The following CORO2A variants were observed in gnomAD, a reference collection of about 807,000 sequenced individuals.
CORO2A encodes the protein coronin 2A.
Under a neutral mutation model 62.4 loss-of-function variants are expected in CORO2A, and 47 were observed. That is an observed-to-expected ratio of 0.75 (90% CI 0.60 to 0.96). The LOEUF is 0.96. CORO2A is among the 40% of genes least tolerant of loss of function. CORO2A has a pLI of 0.00. For missense variants in CORO2A, 610 were observed against 684.1 expected (o/e 0.89, Z 1.21); for synonymous variants, 273 against 268.9 (o/e 1.02, Z -0.15).
intron 1 of CORO2A, among the ~76,000 whole-genome samples, chr9:98,189,282 G>C (rs1276942290): frequency 6.6e-6 from 1 of 152,308 alleles, no homozygotes; most frequent in East Asian, 1.9e-4. Flanking sequence ...TAGACCAGGT[G>C]TGATTGCAAA....
chr9:98,184,769 T>C (rs1437370273), intron 1 of CORO2A, among the ~76,000 whole-genome samples: 1 of 152,072 alleles, frequency 6.6e-6, no homozygotes, highest in African/African-American at 2.4e-5. Context: ...GGGTGTGTGG[T>C]TAATGGCGGC....
chr9:98,174,161 G>A (rs537843130), intron 1 of CORO2A, among the ~76,000 whole-genome samples: 2 of 144,446 alleles, frequency 1.4e-5, no homozygotes, highest in South Asian at 4.3e-4. Flanking sequence ...ACCAAAGAGC[G>A]TGTAGCCCTG....
At chr9:98,148,315 A>G (rs1372800883) in intron 2 of CORO2A, among the ~76,000 whole-genome samples, 1 of 151,278 alleles carries the variant, frequency 6.6e-6, no homozygotes, top group East Asian at 1.9e-4. Context: ...GAGTTGCTTG[A>G]ACCCAGGAGG....
At chr9:98,165,242 A>T (rs1225916098) in intron 1 of CORO2A, among the ~76,000 whole-genome samples, 1 of 152,166 alleles carries the variant, frequency 6.6e-6, no homozygotes, top group Admixed American at 6.5e-5. Flanking sequence ...GACAGGCGTG[A>T]GCCACCGTGC....
At chr9:98,173,246 G>C (rs1211858749) in intron 1 of CORO2A, among the ~76,000 whole-genome samples, 2 of 152,202 alleles carry the variant, frequency 1.3e-5, no homozygotes, top group Non-Finnish European at 2.9e-5. Flanking sequence ...CAAGTTCCCG[G>C]TGACTAGGAA....
intron 1 of CORO2A, among the ~76,000 whole-genome samples, chr9:98,189,171 C>T (rs1828275274): frequency 6.6e-6 from 1 of 152,104 alleles, no homozygotes; most frequent in African/African-American, 2.4e-5. Flanking sequence ...ACATACTGGC[C>T]GTTTCATGTG....
rs757441514 is a variant in CORO2A, at chr9:98,132,168, T to C, written c.765+17A>G. The C allele has an allele frequency of 8.9e-6, 14 of 1,576,872 alleles. No homozygotes were observed. The highest frequency in any genetic ancestry group is 1.3e-5 in the African/African-American group (1 of 74,110). On this transcript the variant is annotated intron_variant, in intron 6 of 11. Coordinates refer to ENST00000375077, the MANE Select transcript of CORO2A (RefSeq NM_052820.4). The stretch of plus-strand genomic sequence containing the variant: ...TCAGCTGAGGGGTGATGGTGAGGGG[T>C]GGGGTGCAGCCCTCACCTGGTCCCA...
At chr9:98,126,961 CCT>C (rs1564199016) in intron 10 of CORO2A, 138 bp from the exon 11 acceptor site, 1 of 958,098 alleles carries the variant, frequency 1.0e-6, no homozygotes, top group South Asian at 1.5e-5. Context: ...AATACAGCTA[CCT>C]GTGGACAGGC....
intron 2 of CORO2A, among the ~76,000 whole-genome samples, chr9:98,153,621 C>CTA (rs1827757692): frequency 6.7e-6 from 1 of 150,150 alleles, no homozygotes; most frequent in Non-Finnish European, 1.5e-5. Flanking sequence ...ACTGCCCAGG[C>CTA]TATATGTCTG....
rs11379239 is a variant in CORO2A at position 98,155,342 on chromosome 9, A to ATTT, written c.201+2115_201+2117dup. 1.7e-3 allele frequency among the ~76,000 whole-genome samples: 178 copies of ATTT among 101,824 alleles called. 1 individual carries two copies. The highest frequency in any genetic ancestry group is 2.8e-3 in the African/African-American group (72 of 25,680). The allele number at this position is 101,824 out of a possible 152,430, so 66.8% of individuals were successfully genotyped here. A position where few individuals can be genotyped will look rare whatever the true frequency, so the allele number is the denominator to read the frequency against. On this transcript the variant is annotated intron_variant, in intron 2 of 11. Coordinates refer to ENST00000375077, the MANE Select transcript of CORO2A (RefSeq NM_052820.4). The stretch of plus-strand genomic sequence containing the variant: ...CTTTAAGGGAAATTTTTATTGCTCA[A>ATTT]TTTTTTTTTTTTTTTTTTTTTTGAG...
chr9:98,171,035 C>T (rs1349989742), intron 1 of CORO2A, among the ~76,000 whole-genome samples: 5 of 152,166 alleles, frequency 3.3e-5, no homozygotes, highest in Admixed American at 3.3e-4. Flanking sequence ...CTGACCAAAA[C>T]TCCACACAGG....
In CORO2A at chr9:98,157,491, C is replaced by G; in HGVS notation, c.170G>C (p.Gly57Ala). ...CAGGGGGATGACGAGGAAGGCCCCT[C>G]CACCAGCACACTCAGTCACAACTGC... is the stretch of plus-strand genomic sequence containing the variant. Reference protein sequence around the residue: ...FIAVVTECAGGGAFLVIPLHQ... With the variant: ...FIAVVTECAGAGAFLVIPLHQ... Residue 57 changes from glycine to alanine, a missense_variant, in exon 2 of 12, where the codon GGA becomes GCA. Transcript: ENST00000375077. The G allele has an allele frequency of 1.9e-6, 3 of 1,614,182 alleles. No homozygotes were observed. Among genetic ancestry groups the G allele is most frequent in the Non-Finnish European group, 2.5e-6 (3 of 1,180,032 alleles).
At position 98,126,805 on chromosome 9, in the gene CORO2A, A is replaced by T. The variant is rs1252108534; in HGVS notation, c.1190T>A (p.Leu397His). ...TCTCAGCAGCTCAGAGCCAGGCCTAAGGGACACCAGGATTGGGTCTGGAAG... is the reference window on the plus strand; with the variant it reads ...TCTCAGCAGCTCAGAGCCAGGCCTATGGGACACCAGGATTGGGTCTGGAAG... Reference protein sequence around the residue: ...GMNRDPILVSLRPGSELLRPH... With the variant: ...GMNRDPILVSHRPGSELLRPH... The change falls in exon 11 of 12, where the codon CTT becomes CAT. Residue 397 changes from leucine to histidine, a missense_variant. Transcript: ENST00000375077. The T allele has an allele frequency of 6.2e-7, 1 of 1,614,156 alleles. No homozygotes were observed. The highest frequency in any genetic ancestry group is 1.1e-5 in the South Asian group (1 of 91,082).
At chr9:98,130,522 G>C (rs1396535010) in intron 7 of CORO2A, among the ~76,000 whole-genome samples, 2 of 152,240 alleles carry the variant, frequency 1.3e-5, no homozygotes, top group Non-Finnish European at 1.5e-5. Context: ...TCAGAACTGG[G>C]GTGGCCTCAG....
At chr9:98,157,131 G>A (rs1233844475) in intron 2 of CORO2A, among the ~76,000 whole-genome samples, 1 of 152,114 alleles carries the variant, frequency 6.6e-6, no homozygotes, top group Non-Finnish European at 1.5e-5. Context: ...TGGGGAAGGT[G>A]GCTTTGGAGA....
In CORO2A at chr9:98,163,757, A is replaced by T. The variant is rs984463563; in HGVS notation, c.1-6097T>A. Among the ~76,000 whole-genome samples, 10 of 144,816 alleles carry T rather than the reference A, an allele frequency of 6.9e-5. No homozygotes were observed. In the Middle Eastern group the frequency reaches 0.011, roughly 159 times the overall value. ...GTGTGTGTGTGAGAGAGAGAGAGAG[A>T]GAGAGAGAGAGAGAGAGAAAGAGAC... is the stretch of plus-strand genomic sequence containing the variant. On this transcript the variant is annotated intron_variant, in intron 1 of 11. Transcript: ENST00000375077.
chr9:98,171,797 C>G (rs752453110), intron 1 of CORO2A, among the ~76,000 whole-genome samples: 1 of 151,656 alleles, frequency 6.6e-6, no homozygotes, highest in Non-Finnish European at 1.5e-5. Flanking sequence ...TGCAGGCCAG[C>G]AATGGGGCTG....
intron 1 of CORO2A, among the ~76,000 whole-genome samples, chr9:98,177,032 G>A (rs557458832): frequency 6.6e-6 from 1 of 152,276 alleles, no homozygotes; most frequent in African/African-American, 2.4e-5. Flanking sequence ...TTCCAAAGAT[G>A]GTTAGGAAAG....
At chr9:98,163,763 AG>A (rs1827922508) in intron 1 of CORO2A, among the ~76,000 whole-genome samples, 7 of 150,134 alleles carry the variant, frequency 4.7e-5, no homozygotes, top group Admixed American at 1.3e-4. Flanking sequence ...AGAGAGAGAG[AG>A]AGAGAGAGAG....
Sources: gnomAD v4.1 joint callset for allele counts (sites outside exome capture counted in the v4.1 genomes callset) on GRCh38, gnomAD v4.1.1 for gene constraint, MANE v1.5 for transcripts, NCBI Gene and HGNC (gene_info 2026-07-23, HGNC 2026-07-21) for gene names.